Variants in MDN1 observed in about 807,000 individuals in gnomAD.
MDN1 encodes the protein midasin AAA ATPase 1.
Under a neutral mutation model 669.2 loss-of-function variants are expected in MDN1, and 266 were observed. The observed-to-expected ratio is 0.40, with a 90% CI of 0.36 to 0.44. The LOEUF is 0.44. Ranked by LOEUF, MDN1 falls within the 20% of genes least tolerant of loss-of-function variation. MDN1 has a pLI of 1.00. For synonymous variants in MDN1, 2,385 were observed against 2,457.1 expected (o/e 0.97, Z 0.87); for missense variants, 5,940 against 6,754.0 (o/e 0.88, Z 4.22).
Position 89,677,673 on chromosome 6 carries a change from C to A in MDN1, c.12436G>T (p.Ala4146Ser). The A allele has an allele frequency of 2.5e-6, 4 of 1,614,124 alleles. No individual in the cohort carries two copies. The highest frequency in any genetic ancestry group is 2.5e-6 in the Non-Finnish European group (3 of 1,180,026). Residue 4146 changes from alanine (A) to serine (S), a missense_variant, in exon 76 of 102, where the codon GCT (alanine) becomes TCT (serine). Around this residue, in one of 5 missense-constraint regions of MDN1, gnomAD observed 2,280 missense variants for 2,576.3 expected, o/e 0.88. Coordinates refer to ENST00000369393, the MANE Select transcript of MDN1 (RefSeq NM_014611.3). ...TGAGGGTTTTTTGAACGGGCCCAAGCAAGACCTTTGCGATACGACAAACCT... is the reference window on the plus strand; with the variant it reads ...TGAGGGTTTTTTGAACGGGCCCAAGAAAGACCTTTGCGATACGACAAACCT... ...KIGLSYRKGL[A>S]WARSKNPQEM...
At position 89,692,699 on chromosome 6, in the gene MDN1, G is replaced by A. The variant is rs765107375; in HGVS notation, c.10331C>T (p.Ser3444Leu). ...GTAAGTCGGGAAGGTGGGGCCCACC[G>A]ATGGGAAAGCCAGCAAGGCTGTGGC... ...TLATALLAFP[S>L]VGPTFPTYYA... Residue 3444 changes from serine (S) to leucine (L), a missense_variant, in exon 63 of 102, where the codon TCG becomes TTG. Coordinates refer to ENST00000369393, the MANE Select transcript of MDN1 (RefSeq NM_014611.3). The A allele has an allele frequency of 1.2e-6, 2 of 1,614,212 alleles. No individual in the cohort carries two copies. Among genetic ancestry groups the A allele is most frequent in the East Asian group, 2.2e-5 (1 of 44,882 alleles).
intron 2 of MDN1, among the ~76,000 whole-genome samples, chr6:89,796,861 G>A (rs1289506039): frequency 6.6e-6 from 1 of 151,962 alleles, no homozygotes; most frequent in Non-Finnish European, 1.5e-5. Flanking sequence ...CTGAGGTCGG[G>A]AGTTCGAGAC....
chr6:89,818,446 C>T lies in MDN1; in HGVS notation c.102+1060G>A, dbSNP rs564374751. On this transcript the variant is annotated intron_variant, in intron 1 of 101. Coordinates refer to ENST00000369393, the MANE Select transcript of MDN1 (RefSeq NM_014611.3). ...CCCAGGGGTTCCAGACCAGTCGGGGCAACAAAGGGGGACCTTACAACTACA... is the reference window on the plus strand; with the variant it reads ...CCCAGGGGTTCCAGACCAGTCGGGGTAACAAAGGGGGACCTTACAACTACA... 1.2e-3 allele frequency among the ~76,000 whole-genome samples: 187 copies of T among 150,716 alleles called. 1 individual carries two copies. The highest frequency in any genetic ancestry group is 2.1e-3 in the Non-Finnish European group (140 of 67,832).
Position 89,689,962 on chromosome 6 carries a change from A to G in MDN1, c.10931T>C (p.Leu3644Pro), listed in dbSNP as rs1178946823. The G allele has an allele frequency of 1.2e-6, 2 of 1,614,132 alleles. No individual in the cohort carries two copies. Among genetic ancestry groups the G allele is most frequent in the Non-Finnish European group, 1.7e-6 (2 of 1,180,042 alleles). Reference protein sequence around the residue: ...FARSLWYQQTLPPHEAKHYLS... With the variant: ...FARSLWYQQTPPPHEAKHYLS... ...GTAATGCTTTGCTTCATGTGGCGGC[A>G]GAGTCTGTTGATACCAGAGGGATCG... Residue 3644 changes from leucine (L) to proline (P), a missense_variant, in exon 65 of 102, where the codon CTG becomes CCG. Coordinates refer to ENST00000369393, the MANE Select transcript of MDN1 (RefSeq NM_014611.3).
intron 65 of MDN1, among the ~76,000 whole-genome samples, chr6:89,689,370 T>A (rs1264659920): frequency 6.6e-6 from 1 of 152,236 alleles, no homozygotes. Flanking sequence ...TTATACCTAT[T>A]CTAGGTAAAC....
chr6:89,694,518 T>G (rs1038291856), intron 61 of MDN1, among the ~76,000 whole-genome samples: 1 of 152,192 alleles, frequency 6.6e-6, no homozygotes, highest in African/African-American at 2.4e-5. Flanking sequence ...AAACTTCAAA[T>G]AGCAAGGGAT....
intron 8 of MDN1, among the ~76,000 whole-genome samples, 195 bp downstream of exon 8, chr6:89,787,659 G>T (rs1423958962): frequency 1.7e-4 from 7 of 41,804 alleles, no homozygotes; most frequent in African/African-American, 4.4e-4. Flanking sequence ...TTTTTAAGTC[G>T]GGGGGGGGAC....
At chr6:89,793,076 T>C (rs1272960640) in intron 5 of MDN1, among the ~76,000 whole-genome samples, 1 of 152,174 alleles carries the variant, frequency 6.6e-6, no homozygotes, top group East Asian at 1.9e-4. Context: ...GCCAGACTTA[T>C]GATCTGCAAG....
rs1157121889 is a variant in MDN1 at position 89,718,629 on chromosome 6, T to C, written c.6322-2A>G. The C allele has an allele frequency of 6.2e-7, 1 of 1,613,048 alleles. No individual in the cohort carries two copies. Among genetic ancestry groups the C allele is most frequent in the Admixed American group, 1.7e-5 (1 of 59,980 alleles). On this transcript the variant is annotated splice_acceptor_variant, in intron 42 of 101. Coordinates refer to ENST00000369393, the MANE Select transcript of MDN1 (RefSeq NM_014611.3). LOFTEE classifies it high-confidence loss of function. ...CCTCCAAGGTCGTATAAGATCAACC[T>C]GTAATTTCCAGAGGACATGAACTCA...
chr6:89,731,824 T>G (rs1377183359), intron 34 of MDN1, among the ~76,000 whole-genome samples: 1 of 139,140 alleles, frequency 7.2e-6, no homozygotes, highest in Non-Finnish European at 1.5e-5. Context: ...TTTTCCTTTT[T>G]CTCCTTTTTT....
rs944120963 is a variant in MDN1 at position 89,745,262 on chromosome 6, C to T, written c.4178+11G>A. The T allele has an allele frequency of 1.9e-6, 3 of 1,613,340 alleles. No individual in the cohort carries two copies. The highest frequency in any genetic ancestry group is 2.5e-6 in the Non-Finnish European group (3 of 1,179,700). ...AATGAACCCTCATGAGTCACTGTCA[C>T]AGATCTTTACCCAGTGTCTCCAACC... On this transcript the variant is annotated intron_variant, in intron 29 of 101. Coordinates refer to ENST00000369393, the MANE Select transcript of MDN1 (RefSeq NM_014611.3).
intron 49 of MDN1, among the ~76,000 whole-genome samples, chr6:89,711,465 C>A (rs1813910868): frequency 6.6e-6 from 1 of 152,082 alleles, no homozygotes; most frequent in Non-Finnish European, 1.5e-5. Context: ...TGATTTAATG[C>A]ATACAGGAGG....
intron 34 of MDN1, among the ~76,000 whole-genome samples, chr6:89,731,745 C>T (rs72915933): frequency 0.11 from 16,253 of 151,200 alleles, 1,016 homozygotes; most frequent in South Asian, 0.16. Flanking sequence ...CCCGCATATT[C>T]GGTTTCTCTT....
At chr6:89,754,297 C>A in intron 20 of MDN1, 67 bp from the exon 21 acceptor site, 1 of 1,498,400 alleles carries the variant, frequency 6.7e-7, no homozygotes, top group Admixed American at 2.1e-5. Flanking sequence ...CAATTCTCTA[C>A]AGAAAACCCA....
At position 89,679,399 on chromosome 6, in the gene MDN1, C is replaced by T. The variant is rs776587399; in HGVS notation, c.12266-654G>A. Among the ~76,000 whole-genome samples, 7 of 152,132 alleles carry T rather than the reference C, an allele frequency of 4.6e-5. No individual in the cohort carries two copies. In the East Asian group the frequency reaches 9.6e-4, roughly 21 times the overall value. ...GTGGGTACCAATAACACAAGGGTGC[C>T]GCCTCCCTGTTGCAGGCAGTGTTAT... On this transcript the variant is annotated intron_variant, in intron 74 of 101. Transcript: ENST00000369393.
chr6:89,764,144 A>G (rs1158446614), intron 15 of MDN1, among the ~76,000 whole-genome samples: 2 of 152,188 alleles, frequency 1.3e-5, no homozygotes, highest in Admixed American at 1.3e-4. Context: ...TGAGCACAGG[A>G]GTTCTAGGCT....
rs1488927925 is a variant in MDN1 at position 89,814,776 on chromosome 6, G to A, written c.102+4730C>T. ...AGCAAGGAGCGGCAGCCTATGGTTA[G>A]CCATTGGGAGATCTCCGCCAGGGCC... On this transcript the variant is annotated intron_variant, in intron 1 of 101. Transcript: ENST00000369393. 37 of 429,524 alleles carry A rather than the reference G, an allele frequency of 8.6e-5. 1 individual carries two copies. Among genetic ancestry groups the A allele is most frequent in the South Asian group, 6.3e-4 (36 of 56,754 alleles). The allele number at this position is 429,524 out of a possible 1,614,324, so 26.6% of individuals were successfully genotyped here.
Position 89,736,476 on chromosome 6 carries a change from C to A in MDN1, c.4723+1850G>T, listed in dbSNP as rs556062962. On this transcript the variant is annotated intron_variant, in intron 33 of 101. Transcript: ENST00000369393. ...CCCCGACACAGACCCAAAAGACAAA[C>A]CATGCTTGGTTAACGATTTCTGTCT... 9.8e-5 allele frequency among the ~76,000 whole-genome samples: 15 copies of A among 152,294 alleles called. No homozygotes were observed. The South Asian group carries it at 3.1e-3, about 32-fold the overall frequency.
rs376171132 is a variant in MDN1, at chr6:89,774,742, G to A, written c.1822-9C>T. On this transcript the variant is annotated splice_polypyrimidine_tract_variant and intron_variant, in intron 12 of 101. Transcript: ENST00000369393. ...TGACAAAAGAATTCAGCCTGTAGGA[G>A]GTAAGATTTTACCTGAGTAAAAATC... 6.3e-7 allele frequency: 1 copy of A among 1,587,540 alleles called. No individual in the cohort carries two copies. The highest frequency in any genetic ancestry group is 8.6e-7 in the Non-Finnish European group (1 of 1,156,222).
Sources: gnomAD v4.1 joint callset for allele counts (sites outside exome capture counted in the v4.1 genomes callset) on GRCh38, gnomAD v4.1.1 for gene constraint, gnomAD v4.1.1 regional missense constraint, MANE v1.5 for transcripts, NCBI Gene and HGNC (gene_info 2026-07-23, HGNC 2026-07-21) for gene names.